Variants in TNRC6A observed in about 807,000 individuals in gnomAD.
TNRC6A encodes the protein trinucleotide repeat containing adaptor 6A, also known as trinucleotide repeat-containing gene 6A protein.
Under a neutral mutation model 221.2 loss-of-function variants are expected in TNRC6A, and 44 were observed. That is an observed-to-expected ratio of 0.20 (90% CI 0.16 to 0.26). The LOEUF is 0.26. TNRC6A is among the 10% of genes least tolerant of loss of function. The probability of loss-of-function intolerance (pLI) is 1.00; values close to 1 mark genes in which losing one functional copy is unlikely to be tolerated. For missense variants in TNRC6A, 2,199 were observed against 2,404.4 expected (o/e 0.91, Z 1.79); for synonymous variants, 847 against 838.5 (o/e 1.01, Z -0.18).
intron 2 of TNRC6A, among the ~76,000 whole-genome samples, chr16:24,699,739 G>A (rs2055932723): frequency 6.9e-6 from 1 of 145,704 alleles, no homozygotes; most frequent in Non-Finnish European, 1.5e-5. Flanking sequence ...AAAAAAAAAA[G>A]CTTCTGAGAA....
At chr16:24,633,653 A>T (rs1901466938) in intron 1 of TNRC6A, among the ~76,000 whole-genome samples, 1 of 152,188 alleles carries the variant, frequency 6.6e-6, no homozygotes, top group Admixed American at 6.5e-5. Context: ...TCGGCTTCCC[A>T]AAGTGCTGGG....
chr16:24,707,668 A>G (rs912892611), intron 2 of TNRC6A, among the ~76,000 whole-genome samples: 3 of 152,244 alleles, frequency 2.0e-5, no homozygotes, highest in Non-Finnish European at 4.4e-5. Context: ...TAAATTGCTC[A>G]TAAATACATA....
At chr16:24,750,683 C>A (rs2057115768) in intron 2 of TNRC6A, 43 bp from the exon 3 acceptor site, 4 of 1,485,766 alleles carry the variant, frequency 2.7e-6, no homozygotes, top group Non-Finnish European at 1.8e-6. Flanking sequence ...ATTTTTATTT[C>A]TTAATACATT....
rs2056565435 is a variant in TNRC6A, at chr16:24,729,682, TGTCGGCGGCGGC to T, written c.-158_-147del. ...GGTCTGGGGCCTGCGGCGGCGGCGGTGTCGGCGGCGGCGGCGGCGGCGGCGGCGGCGGCGGCA... is the reference window on the plus strand; with the variant it reads ...GGTCTGGGGCCTGCGGCGGCGGCGGTGGCGGCGGCGGCGGCGGCGGCGGCA... On this transcript the variant is annotated 5_prime_UTR_variant, in exon 1 of 25. Transcript: ENST00000395799. 1.3e-5 allele frequency: 9 copies of T among 677,826 alleles called. No individual in the cohort carries two copies. Among genetic ancestry groups the T allele is most frequent in the Admixed American group, 5.6e-5 (1 of 17,964 alleles). 42.0% of individuals were successfully genotyped at this position (677,826 alleles called of 1,614,324 possible). A position where few individuals can be genotyped will look rare whatever the true frequency, so the allele number is the denominator to read the frequency against.
rs145823978 is a variant in TNRC6A, at chr16:24,791,046, G to A, written c.2404G>A (p.Gly802Arg). 1.3e-5 allele frequency: 20 copies of A among 1,595,642 alleles called. No homozygotes were observed. The African/African-American group carries it at 1.6e-4, about 13-fold the overall frequency. The change falls in exon 6 of 25, where the codon GGG becomes AGG. Residue 802 changes from glycine (G) to arginine (R), a missense_variant. Physicochemically the swap from Gly to Arg is moderately radical, Grantham distance 125. This residue lies in a region of TNRC6A where 1,405 missense variants were observed against 1,400.2 expected (regional missense o/e 1.00). Coordinates refer to ENST00000395799, the MANE Select transcript of TNRC6A (RefSeq NM_014494.4). ...AGATTCCAAAGGCTCAAACTGCCAG[G>A]GGGGGTGGGAAGATGATTCTGCTGC... ...WGDSKGSNCQ[G>R]GWEDDSAATG...
chr16:24,642,204 G>A, intron 2 of TNRC6A, among the ~76,000 whole-genome samples: 1 of 152,186 alleles, frequency 6.6e-6, no homozygotes, highest in East Asian at 1.9e-4. Flanking sequence ...GTGTGAGGAG[G>A]CTCAGATCTG....
intron 1 of TNRC6A, among the ~76,000 whole-genome samples, chr16:24,618,639 T>C (rs983593748): frequency 1.4e-5 from 2 of 142,394 alleles, no homozygotes; most frequent in African/African-American, 5.3e-5. Context: ...TTCCATTTCA[T>C]GAATTTTTTT....
At chr16:24,679,388 C>T (rs1047593287) in intron 2 of TNRC6A, among the ~76,000 whole-genome samples, 7 of 152,060 alleles carry the variant, frequency 4.6e-5, no homozygotes, top group Admixed American at 6.6e-5. Context: ...AAGGCAGCCT[C>T]GACGTCCAGG....
At chr16:24,622,143 G>T (rs2141604611) in intron 1 of TNRC6A, among the ~76,000 whole-genome samples, 1 of 152,212 alleles carries the variant, frequency 6.6e-6, no homozygotes, top group South Asian at 2.1e-4. Flanking sequence ...TTAGTGGCCA[G>T]CCATGGTGGC....
Position 24,791,436 on chromosome 16 carries a change from C to T in TNRC6A, c.2794C>T (p.Leu932=). ...AGACCCTCCAAAGTCTAATCAGTCT[C>T]TAGGTTGGGGAGATTCGTCAAAGCC... ...WGDPPKSNQS[L]GWGDSSKPVS... The change falls in exon 6 of 25, where the codon CTA becomes TTA. Residue 932 remains leucine (L), a synonymous_variant. Coordinates refer to ENST00000395799, the MANE Select transcript of TNRC6A (RefSeq NM_014494.4). 1 of 1,540,354 alleles carries T rather than the reference C, an allele frequency of 6.5e-7. No homozygotes were observed. Among genetic ancestry groups the T allele is most frequent in the Non-Finnish European group, 8.7e-7 (1 of 1,146,712 alleles).
chr16:24,619,473 C>T (rs891343879), intron 1 of TNRC6A, among the ~76,000 whole-genome samples: 13 of 152,298 alleles, frequency 8.5e-5, no homozygotes, highest in African/African-American at 3.1e-4. Context: ...AGGGAACAAT[C>T]AGATACAATG....
At chr16:24,794,255 T>C (rs766432517) in intron 7 of TNRC6A, among the ~76,000 whole-genome samples, 16 of 152,218 alleles carry the variant, frequency 1.1e-4, no homozygotes, top group Non-Finnish European at 1.9e-4. Flanking sequence ...ATGCAGATTA[T>C]TAAGTGGGTA....
chr16:24,726,362 CAA>C (rs58809989), upstream of TNRC6A, among the ~76,000 whole-genome samples: 5 of 134,590 alleles, frequency 3.7e-5, no homozygotes, highest in African/African-American at 1.1e-4. Context: ...CAAAAGATAC[CAA>C]AAAAAAAAAA....
chr16:24,807,567 A>G (rs2058460519), intron 17 of TNRC6A, among the ~76,000 whole-genome samples: 1 of 152,142 alleles, frequency 6.6e-6, no homozygotes, highest in South Asian at 2.1e-4. Context: ...CTATGTATAA[A>G]TGATTACTGA....
chr16:24,685,423 G>C (rs990744132), intron 2 of TNRC6A, among the ~76,000 whole-genome samples: 2 of 152,024 alleles, frequency 1.3e-5, no homozygotes, highest in Non-Finnish European at 2.9e-5. Context: ...TGCAACCTCC[G>C]CCTCCCAGGC....
chr16:24,660,721 CTTTTTT>C (rs2055009643), intron 2 of TNRC6A, among the ~76,000 whole-genome samples: 1 of 126,772 alleles, frequency 7.9e-6, no homozygotes, highest in South Asian at 2.7e-4. Flanking sequence ...CTTTCTTTTT[CTTTTTT>C]CTTTTTTTTT....
intron 2 of TNRC6A, among the ~76,000 whole-genome samples, chr16:24,716,462 A>G (rs2056314692): frequency 6.6e-6 from 1 of 152,152 alleles, no homozygotes; most frequent in Non-Finnish European, 1.5e-5. Flanking sequence ...TGAGGCCAGG[A>G]GTTTGAGACA....
chr16:24,789,190 G>C, intron 5 of TNRC6A, 42 bp from the exon 6 acceptor site: 2 of 1,513,322 alleles, frequency 1.3e-6, no homozygotes, highest in Non-Finnish European at 1.8e-6. Flanking sequence ...TTTTGAAATG[G>C]CCTAACACTT....
At chr16:24,698,987 G>A (rs1022285539) in intron 2 of TNRC6A, among the ~76,000 whole-genome samples, 1 of 152,152 alleles carries the variant, frequency 6.6e-6, no homozygotes, top group African/African-American at 2.4e-5. Context: ...GGGATTACAG[G>A]GGTGTGCCAA....
Sources: gnomAD v4.1 joint callset for allele counts (sites outside exome capture counted in the v4.1 genomes callset) on GRCh38, gnomAD v4.1.1 for gene constraint, gnomAD v4.1.1 regional missense constraint, MANE v1.5 for transcripts, NCBI Gene and HGNC (gene_info 2026-07-23, HGNC 2026-07-21) for gene names.